The following ARHGAP29 variants were observed in gnomAD, a reference collection of about 807,000 sequenced individuals.
ARHGAP29 encodes the protein rho GTPase-activating protein 29.
In ARHGAP29, 43 loss-of-function variants were observed where a neutral mutation model predicts 122.6. The ratio of observed to expected loss-of-function variants is 0.35; its 90% CI spans 0.27 to 0.45. ARHGAP29 has a LOEUF of 0.45. Ranked by LOEUF, ARHGAP29 falls within the 20% of genes least tolerant of loss-of-function variation. The probability of loss-of-function intolerance (pLI) is 1.00; values close to 1 mark genes in which losing one functional copy is unlikely to be tolerated. For missense variants in ARHGAP29, 1,303 were observed against 1,477.2 expected (o/e 0.88, Z 1.93); for synonymous variants, 506 against 497.1 (o/e 1.02, Z -0.24).
intron 1 of ARHGAP29, among the ~76,000 whole-genome samples, chr1:94,247,525 A>C (rs1360020800): frequency 6.7e-6 from 1 of 149,512 alleles, no homozygotes. Flanking sequence ...CGGAGCCACC[A>C]CCGCCGCGGC....
the ARHGAP29 span, among the ~76,000 whole-genome samples, chr1:94,295,024 A>G: frequency 1 from 151,868 of 152,326 alleles, 75,710 homozygotes; most frequent in Middle Eastern, 1. Flanking sequence ...GAAAAGAGGT[A>G]AGAAAGGTAA....
chr1:94,207,138 A>G (rs1651254241), intron 5 of ARHGAP29, among the ~76,000 whole-genome samples: 1 of 151,492 alleles, frequency 6.6e-6, no homozygotes, highest in South Asian at 2.1e-4. Flanking sequence ...CCTCCCAAAT[A>G]GCTGGGACTA....
chr1:94,237,475 ACCG>A lies in ARHGAP29; in HGVS notation c.-96_-94del, dbSNP rs1272811613. 6 of 987,662 alleles carry A rather than the reference ACCG, an allele frequency of 6.1e-6. No homozygotes were observed. Among genetic ancestry groups the A allele is most frequent in the Non-Finnish European group, 7.2e-6 (6 of 831,560 alleles). 61.2% of individuals were successfully genotyped at this position (987,662 alleles called of 1,614,324 possible). A position where few individuals can be genotyped will look rare whatever the true frequency, so the allele number is the denominator to read the frequency against. On this transcript the variant is annotated 5_prime_UTR_variant, in exon 1 of 23. Coordinates refer to ENST00000260526, the MANE Select transcript of ARHGAP29 (RefSeq NM_004815.4). ...CCGCCCCACACCTACGGCCGCCGCCACCGCCGAGGGCTGGAGCTCGCTGCCCCC... is the reference window on the plus strand; with the variant it reads ...CCGCCCCACACCTACGGCCGCCGCCACCGAGGGCTGGAGCTCGCTGCCCCC...
chr1:94,185,123 C>T, intron 17 of ARHGAP29, 63 bp from the exon 18 acceptor site: 2 of 1,455,948 alleles, frequency 1.4e-6, no homozygotes. Flanking sequence ...GGGCAAACTG[C>T]AGGTGGAAGG....
intron 15 of ARHGAP29, among the ~76,000 whole-genome samples, chr1:94,188,436 G>A (rs1649939887): frequency 6.6e-6 from 1 of 151,498 alleles, no homozygotes; most frequent in Non-Finnish European, 1.5e-5. Context: ...CATTCACATA[G>A]ATCTTAAAAA....
chr1:94,172,819 T>A lies in ARHGAP29; in HGVS notation c.*1050A>T, dbSNP rs1648831309. On this transcript the variant is annotated 3_prime_UTR_variant, in exon 23 of 23. Transcript: ENST00000260526. The stretch of plus-strand genomic sequence containing the variant: ...TAAATGAAACAGATCCGATCACCTA[T>A]ACCTTCTCTCAAATTCCAAATAATG... 3 of 152,486 alleles carry A rather than the reference T, an allele frequency of 2.0e-5. No individual in the cohort carries two copies. In the South Asian group the frequency reaches 6.2e-4, roughly 32 times the overall value. 9.4% of individuals were successfully genotyped at this position (152,486 alleles called of 1,614,324 possible).
upstream of ARHGAP29, among the ~76,000 whole-genome samples, chr1:94,275,751 T>C (rs931810796): frequency 6.6e-6 from 1 of 151,976 alleles, no homozygotes; most frequent in African/African-American, 2.4e-5. Context: ...TACGAACATA[T>C]AAGAGAGTGT....
chr1:94,183,534 T>C (rs1649610703), intron 19 of ARHGAP29, among the ~76,000 whole-genome samples: 1 of 152,162 alleles, frequency 6.6e-6, no homozygotes, highest in Non-Finnish European at 1.5e-5. Flanking sequence ...ATATTCCTGC[T>C]AGAATGTGCA....
intron 1 of ARHGAP29, among the ~76,000 whole-genome samples, chr1:94,274,304 A>G (rs1655104601): frequency 6.6e-6 from 1 of 152,244 alleles, no homozygotes; most frequent in Non-Finnish European, 1.5e-5. Context: ...TGGTCCAGTA[A>G]GACTTAATTT....
chr1:94,178,224 G>A lies in ARHGAP29; in HGVS notation c.2481-57C>T, dbSNP rs80286464. ...ATTTTCCTATTAGAGTTCCTTGACTGTAGTTTACTATGGAATAGAGAGGGT... is the reference window on the plus strand; with the variant it reads ...ATTTTCCTATTAGAGTTCCTTGACTATAGTTTACTATGGAATAGAGAGGGT... On this transcript the variant is annotated intron_variant, in intron 20 of 22. Transcript: ENST00000260526. The A allele has an allele frequency of 3.9e-4, 588 of 1,511,910 alleles. 5 individuals are homozygous for A. The East Asian group carries it at 0.01, about 26-fold the overall frequency. 93.7% of individuals were successfully genotyped at this position (1,511,910 alleles called of 1,614,324 possible).
At chr1:94,188,174 G>C (rs754560393) in intron 15 of ARHGAP29, among the ~76,000 whole-genome samples, 8 of 152,018 alleles carry the variant, frequency 5.3e-5, no homozygotes, top group Non-Finnish European at 7.4e-5. Context: ...GTATAACCCA[G>C]GCAAGTTACT....
intron 19 of ARHGAP29, among the ~76,000 whole-genome samples, chr1:94,181,800 C>T (rs1649481107): frequency 6.6e-6 from 1 of 152,092 alleles, no homozygotes; most frequent in Non-Finnish European, 1.5e-5. Context: ...AATATGGTGG[C>T]CACAAGCCAC....
chr1:94,269,364 T>G (rs766454446), intron 1 of ARHGAP29, among the ~76,000 whole-genome samples: 1 of 152,148 alleles, frequency 6.6e-6, no homozygotes, highest in African/African-American at 2.4e-5. Flanking sequence ...TATAATGCAG[T>G]GTAAGTGCCT....
At chr1:94,293,022 G>A in the ARHGAP29 span, among the ~76,000 whole-genome samples, 3 of 152,240 alleles carry the variant, frequency 2.0e-5, no homozygotes, top group Non-Finnish European at 2.9e-5. Flanking sequence ...TAAGTCTGCA[G>A]AAGCTGTCTG....
intron 1 of ARHGAP29, among the ~76,000 whole-genome samples, chr1:94,243,051 A>G (rs1653660134): frequency 6.6e-6 from 1 of 152,136 alleles, no homozygotes; most frequent in South Asian, 2.1e-4. Flanking sequence ...TATGAGAAAA[A>G]AACTGAGAGA....
At chr1:94,204,175 T>G (rs945027951) in intron 7 of ARHGAP29, among the ~76,000 whole-genome samples, 181 bp from the exon 8 acceptor site, 4 of 151,492 alleles carry the variant, frequency 2.6e-5, no homozygotes, top group Non-Finnish European at 4.4e-5. Flanking sequence ...AGAGACATGG[T>G]CTCACTACGT....
intron 2 of ARHGAP29, 64 bp downstream of exon 2, chr1:94,231,343 G>T: frequency 7.2e-7 from 1 of 1,389,376 alleles, no homozygotes; most frequent in African/African-American, 1.4e-5. Flanking sequence ...AAACTTATCT[G>T]CTAGGCCAGC....
intron 1 of ARHGAP29, among the ~76,000 whole-genome samples, chr1:94,246,150 G>A (rs1449904125): frequency 2.6e-5 from 4 of 152,154 alleles, no homozygotes; most frequent in African/African-American, 9.7e-5. Context: ...CATCAGACAA[G>A]AACTGTATAC....
At position 94,172,435 on chromosome 1, in the gene ARHGAP29, T is replaced by C. The variant is rs1648793449; in HGVS notation, c.*1434A>G. On this transcript the variant is annotated 3_prime_UTR_variant, in exon 23 of 23. Coordinates refer to ENST00000260526, the MANE Select transcript of ARHGAP29 (RefSeq NM_004815.4). ...GGGCTGGTTATTGCTCCCTAGACCT[T>C]TACATCACATAGAACTATAAAACAG... is the stretch of plus-strand genomic sequence containing the variant. The C allele has an allele frequency of 6.6e-6, 1 of 152,062 alleles. No individual in the cohort carries two copies. The highest frequency in any genetic ancestry group is 1.5e-5 in the Non-Finnish European group (1 of 68,010). The allele number at this position is 152,062 out of a possible 1,614,324, so 9.4% of individuals were successfully genotyped here.
Sources: gnomAD v4.1 joint callset for allele counts (sites outside exome capture counted in the v4.1 genomes callset) on GRCh38, gnomAD v4.1.1 for gene constraint, MANE v1.5 for transcripts, NCBI Gene and HGNC (gene_info 2026-07-23, HGNC 2026-07-21) for gene names.